The following ARHGEF38 variants were observed in gnomAD, a reference collection of about 807,000 sequenced individuals.
The protein encoded by ARHGEF38 is Rho guanine nucleotide exchange factor 38, also known as Rho guanine nucleotide exchange factor (GEF) 38.
A neutral mutation model predicts 79.9 loss-of-function variants in ARHGEF38; 79 were observed. That is an observed-to-expected ratio of 0.99 (90% confidence interval 0.82 to 1.19). ARHGEF38 has a LOEUF of 1.19. Ranked by LOEUF, ARHGEF38 falls within the 50% of genes most tolerant of loss-of-function variation. The pLI is 0.00. For missense variants in ARHGEF38, 962 were observed against 907.2 expected, an observed-to-expected ratio of 1.06 and a Z score of -0.78; for synonymous variants, 366 against 328.3, an observed-to-expected ratio of 1.11 and a Z score of -1.24.
At chr4:105,645,830 A>C (rs1729816727) in intron 6 of ARHGEF38, among the ~76,000 whole-genome samples, 2 of 152,348 alleles carry the variant, frequency 1.3e-5, no homozygotes, top group South Asian at 4.1e-4. Flanking sequence ...TGGTTCTGGC[A>C]CACAGAGAAT....
chr4:105,618,500 A>G (rs926771211), intron 3 of ARHGEF38, among the ~76,000 whole-genome samples: 9 of 152,190 alleles, frequency 5.9e-5, no homozygotes, highest in Admixed American at 2.0e-4. Flanking sequence ...ACGCACCTGT[A>G]GTCCCAGCTA....
chr4:105,635,179 G>C (rs1578332746), intron 4 of ARHGEF38, among the ~76,000 whole-genome samples: 1 of 151,934 alleles, frequency 6.6e-6, no homozygotes, highest in South Asian at 2.1e-4. Context: ...CCCATAAAAG[G>C]GTAAATGGAC....
intron 13 of ARHGEF38, among the ~76,000 whole-genome samples, chr4:105,669,417 G>C (rs1730884084): frequency 6.6e-6 from 1 of 152,118 alleles, no homozygotes; most frequent in Non-Finnish European, 1.5e-5. Flanking sequence ...ATTTGTATGA[G>C]TATATAAGTG....
Position 105,667,275 on chromosome 4 carries a change from A to G in ARHGEF38, c.1836A>G (p.Ile612Met). 6.5e-7 allele frequency: 1 copy of G among 1,536,210 alleles called. No individual in the cohort carries two copies. ...TGGAAGGAGACTTGGTGGCTGTGAT[A>G]GAACAGAAAGATCCACTGGGGAGTA... ...NLLEGDLVAV[I>M]EQKDPLGSTS... Residue 612 changes from isoleucine to methionine, a missense_variant, in exon 12 of 14, where the codon ATA becomes ATG. By Grantham distance (10) the Ile-to-Met change is conservative. Coordinates refer to ENST00000420470, the MANE Select transcript of ARHGEF38 (RefSeq NM_001242729.2).
At chr4:105,645,878 C>A (rs894221937) in intron 6 of ARHGEF38, among the ~76,000 whole-genome samples, 1 of 152,170 alleles carries the variant, frequency 6.6e-6, no homozygotes, top group African/African-American at 2.4e-5. Flanking sequence ...CTGATGTGAG[C>A]AAGTATACTT....
At chr4:105,585,806 A>G (rs1479914584) in intron 1 of ARHGEF38, among the ~76,000 whole-genome samples, 1 of 122,412 alleles carries the variant, frequency 8.2e-6, no homozygotes, top group East Asian at 2.6e-4. Flanking sequence ...ATCTCGGCTC[A>G]CTGCAATCTC....
intron 2 of ARHGEF38, among the ~76,000 whole-genome samples, chr4:105,591,921 G>A (rs959739317): frequency 6.6e-6 from 1 of 152,102 alleles, no homozygotes; most frequent in Admixed American, 6.5e-5. Flanking sequence ...TTTCTGCTGT[G>A]TTTTCTTTAT....
intron 7 of ARHGEF38, among the ~76,000 whole-genome samples, chr4:105,651,648 C>G (rs1281257609): frequency 1.3e-5 from 2 of 152,134 alleles, no homozygotes; most frequent in African/African-American, 4.8e-5. Context: ...ATTTCTCTCT[C>G]TCTTTTTTTA....
chr4:105,590,651 T>A (rs911771540), intron 2 of ARHGEF38, among the ~76,000 whole-genome samples: 2 of 152,214 alleles, frequency 1.3e-5, no homozygotes, highest in African/African-American at 4.8e-5. Flanking sequence ...CTTATATCCT[T>A]AGAATAAATT....
Position 105,680,821 on chromosome 4 carries a change from T to C in ARHGEF38, c.*2884T>C, listed in dbSNP as rs1731284806. 6.6e-6 allele frequency: 1 copy of C among 152,210 alleles called. No homozygotes were observed. The highest frequency in any genetic ancestry group is 1.5e-5 in the Non-Finnish European group (1 of 68,028). The allele number at this position is 152,210 out of a possible 1,614,324, so 9.4% of individuals were successfully genotyped here. On this transcript the variant is annotated 3_prime_UTR_variant, in exon 14 of 14. Transcript: ENST00000420470. ...CAGAAATTAAAATAATTGCTTCTCT[T>C]CTCAACTCTATGTAGCACGTATTTT...
chr4:105,655,775 G>A, intron 9 of ARHGEF38, 53 bp downstream of exon 9: 2 of 1,487,212 alleles, frequency 1.3e-6, no homozygotes, highest in East Asian at 2.5e-5. Context: ...AGGTTGAAAG[G>A]AAAGCTGCTT....
At chr4:105,638,630 T>C (rs1671845631) in intron 5 of ARHGEF38, among the ~76,000 whole-genome samples, 1 of 152,182 alleles carries the variant, frequency 6.6e-6, no homozygotes, top group Non-Finnish European at 1.5e-5. Context: ...CTAACTATTG[T>C]AGCATTGCAG....
chr4:105,592,871 G>A (rs992854284), intron 2 of ARHGEF38, among the ~76,000 whole-genome samples: 14 of 151,988 alleles, frequency 9.2e-5, no homozygotes, highest in Admixed American at 3.3e-4. Context: ...TCCTATTACC[G>A]GAAGCAATGG....
intron 1 of ARHGEF38, among the ~76,000 whole-genome samples, chr4:105,560,888 GTGTT>G (rs1725486108): frequency 6.6e-6 from 1 of 152,084 alleles, no homozygotes; most frequent in Non-Finnish European, 1.5e-5. Context: ...TTCTCCTTCT[GTGTT>G]TGTTGTGAAA....
chr4:105,566,776 G>C (rs1336339254), intron 1 of ARHGEF38, among the ~76,000 whole-genome samples: 1 of 143,352 alleles, frequency 7.0e-6, no homozygotes, highest in African/African-American at 2.6e-5. Flanking sequence ...TTTAAGAGAC[G>C]GAGTTTTGCT....
intron 5 of ARHGEF38, among the ~76,000 whole-genome samples, chr4:105,640,155 A>G (rs1182778235): frequency 6.6e-6 from 1 of 152,102 alleles, no homozygotes; most frequent in East Asian, 1.9e-4. Flanking sequence ...CAACAAACAC[A>G]CACACAAACG....
chr4:105,606,765 T>A (rs1319251523), intron 2 of ARHGEF38, among the ~76,000 whole-genome samples: 1 of 152,070 alleles, frequency 6.6e-6, no homozygotes, highest in Non-Finnish European at 1.5e-5. Flanking sequence ...CAAAAAAAAT[T>A]TAAACTATTT....
chr4:105,599,123 G>A (rs1727710981), intron 2 of ARHGEF38, among the ~76,000 whole-genome samples: 2 of 152,096 alleles, frequency 1.3e-5, no homozygotes, highest in South Asian at 4.1e-4. Flanking sequence ...TCTAGTATGT[G>A]AATTTTCTTT....
intron 1 of ARHGEF38, among the ~76,000 whole-genome samples, chr4:105,570,985 A>T (rs952873587): frequency 6.6e-6 from 1 of 152,334 alleles, no homozygotes; most frequent in South Asian, 2.1e-4. Context: ...TCATAGAGAC[A>T]AAAAGCAGAA....
Sources: allele counts gnomAD v4.1 joint callset (sites outside exome capture counted in the v4.1 genomes callset), GRCh38; gene constraint gnomAD v4.1.1; transcripts MANE v1.5; gene names NCBI Gene and HGNC (gene_info 2026-07-23, HGNC 2026-07-21).